NREP: variants seen among roughly 807,000 people sequenced by gnomAD.
NREP encodes neuronal regeneration-related protein.
In NREP, 5 loss-of-function variants were observed where a neutral mutation model predicts 8.6. The ratio of observed to expected loss-of-function variants is 0.58; its 90% CI spans 0.30 to 1.22. The LOEUF (loss-of-function observed/expected upper bound fraction) is 1.22, where lower values mean the gene tolerates loss of function less well. Among genes scored for constraint, NREP ranks in the 50% most tolerant of loss-of-function variants. The pLI, the probability that NREP is intolerant of heterozygous loss-of-function variation, is 0.07. For synonymous variants in NREP, 27 were observed against 28.0 expected (o/e 0.96, Z 0.11); for missense variants, 86 against 82.5 (o/e 1.04, Z -0.17).
At chr5:111,795,410 C>G (rs1751852722) in intron 2 of NREP, among the ~76,000 whole-genome samples, 1 of 152,152 alleles carries the variant, frequency 6.6e-6, no homozygotes, top group African/African-American at 2.4e-5. Flanking sequence ...CAAACTCAAG[C>G]TAGGTAGACA....
intron 2 of NREP, among the ~76,000 whole-genome samples, chr5:111,923,476 G>A (rs986279820): frequency 2.6e-5 from 4 of 152,182 alleles, no homozygotes; most frequent in Admixed American, 2.0e-4. Flanking sequence ...CAAGTTTTTA[G>A]TTGGGCTGCA....
At chr5:111,864,115 A>T (rs557568471) in intron 2 of NREP, among the ~76,000 whole-genome samples, 24 of 152,262 alleles carry the variant, frequency 1.6e-4, no homozygotes, top group African/African-American at 5.8e-4. Flanking sequence ...TGGCATCTCT[A>T]ATCTACCAAA....
intron 2 of NREP, among the ~76,000 whole-genome samples, chr5:111,787,585 T>C (rs971642631): frequency 6.6e-6 from 1 of 151,676 alleles, no homozygotes; most frequent in Admixed American, 6.6e-5. Context: ...AAACAAGTAT[T>C]GGAGAAAGAA....
At chr5:111,747,155 G>T (rs1411975390) in intron 2 of NREP, among the ~76,000 whole-genome samples, 1 of 151,982 alleles carries the variant, frequency 6.6e-6, no homozygotes. Flanking sequence ...CCCTTACTTG[G>T]GTCATGTTTA....
chr5:111,955,751 A>T (rs1756296589), intron 2 of NREP, among the ~76,000 whole-genome samples: 1 of 152,096 alleles, frequency 6.6e-6, no homozygotes, highest in South Asian at 2.1e-4. Context: ...AGAAATATCC[A>T]GGTGCCAGAA....
intron 2 of NREP, among the ~76,000 whole-genome samples, chr5:111,779,620 A>G (rs1751445360): frequency 6.6e-6 from 1 of 152,184 alleles, no homozygotes; most frequent in South Asian, 2.1e-4. Flanking sequence ...CTGTGGAGAA[A>G]CAAGTGGGAA....
chr5:111,881,819 A>C (rs1230546343), intron 2 of NREP, among the ~76,000 whole-genome samples: 1 of 152,152 alleles, frequency 6.6e-6, no homozygotes, highest in Non-Finnish European at 1.5e-5. Flanking sequence ...TCCACACCAA[A>C]AACCCATCTG....
At chr5:111,756,393 T>G in intron 1 of NREP, 12 of 315,896 alleles carry the variant, frequency 3.8e-5, no homozygotes, top group East Asian at 1.7e-4. Flanking sequence ...AACATTAATG[T>G]ACATACTGCT....
At chr5:111,793,160 A>C (rs1751790261) in intron 2 of NREP, among the ~76,000 whole-genome samples, 1 of 152,182 alleles carries the variant, frequency 6.6e-6, no homozygotes, top group Admixed American at 6.6e-5. Context: ...ACATTTTGAC[A>C]ATTGTTAGGT....
chr5:111,975,934 T>A (rs1037073407), intron 1 of NREP, among the ~76,000 whole-genome samples: 1 of 152,210 alleles, frequency 6.6e-6, no homozygotes, highest in Non-Finnish European at 1.5e-5. Context: ...TCCACATTTC[T>A]TCCTCCTGCT....
intron 2 of NREP, among the ~76,000 whole-genome samples, chr5:111,960,528 C>A (rs910687506): frequency 1.3e-5 from 2 of 152,066 alleles, no homozygotes; most frequent in African/African-American, 4.8e-5. Flanking sequence ...GAAAAACAAT[C>A]CAGGGGATAG....
intron 2 of NREP, among the ~76,000 whole-genome samples, chr5:111,762,871 G>A (rs1750993893): frequency 6.6e-6 from 1 of 152,176 alleles, no homozygotes; most frequent in Non-Finnish European, 1.5e-5. Flanking sequence ...TTGTTATGAG[G>A]TTTCGGATAT....
intron 2 of NREP, among the ~76,000 whole-genome samples, chr5:111,938,115 C>G (rs1479306573): frequency 6.6e-6 from 1 of 151,994 alleles, no homozygotes; most frequent in Non-Finnish European, 1.5e-5. Context: ...ACCAGTGACT[C>G]CAGCTTTGGT....
chr5:111,944,822 C>G (rs1755931568), intron 2 of NREP, among the ~76,000 whole-genome samples: 1 of 152,086 alleles, frequency 6.6e-6, no homozygotes, highest in Admixed American at 6.6e-5. Context: ...ACAAATTAAC[C>G]TAACCTACAG....
intron 2 of NREP, among the ~76,000 whole-genome samples, chr5:111,915,853 G>C (rs1039427581): frequency 1.3e-5 from 2 of 152,050 alleles, no homozygotes; most frequent in Non-Finnish European, 2.9e-5. Flanking sequence ...CTGTTCATTG[G>C]TTATAACCAG....
intron 2 of NREP, among the ~76,000 whole-genome samples, chr5:111,926,996 T>G (rs1217788665): frequency 6.6e-6 from 1 of 151,838 alleles, no homozygotes; most frequent in Non-Finnish European, 1.5e-5. Flanking sequence ...TTCCTTAGAT[T>G]TGTATGGCCA....
chr5:111,759,421 C>CTT (rs56847446), upstream of NREP, among the ~76,000 whole-genome samples: 26,424 of 144,784 alleles, frequency 0.18, 2,737 homozygotes, highest in East Asian at 0.51. Flanking sequence ...TTCTTTCTTT[C>CTT]TTTTTTTTTT....
rs7720931 is a variant in NREP at position 111,881,555 on chromosome 5, A to C, written c.135+93719T>G. On this transcript the variant is annotated intron_variant, in intron 2 of 3. Coordinates refer to the NREP transcript ENST00000395634. Reference sequence around the variant, plus strand: ...AGTGGGTCCCTGACCCCTGACCCCCAAGCAGTCTAACTGGGAGGCACCCCC... The same window carrying C: ...AGTGGGTCCCTGACCCCTGACCCCCCAGCAGTCTAACTGGGAGGCACCCCC... Among the ~76,000 whole-genome samples, 6 of 152,004 alleles carry C rather than the reference A, an allele frequency of 3.9e-5. No individual in the cohort carries two copies. The East Asian group carries it at 5.8e-4, about 15-fold the overall frequency.
In NREP at chr5:111,788,010, T is replaced by C. The variant is rs928925340; in HGVS notation, c.136-52503A>G. On this transcript the variant is annotated intron_variant, in intron 2 of 3. Coordinates refer to the NREP transcript ENST00000395634. Reference sequence around the variant, plus strand: ...CTACTTTGGAAGCTGGGAGGATTGTTTGAGCCCAGGAGGGGGAGTCTGCTG... The same window carrying C: ...CTACTTTGGAAGCTGGGAGGATTGTCTGAGCCCAGGAGGGGGAGTCTGCTG... Among the ~76,000 whole-genome samples the C allele has an allele frequency of 2.6e-5, 4 of 152,166 alleles. No individual in the cohort carries two copies. The South Asian group carries it at 8.3e-4, about 32-fold the overall frequency.
Sources: allele counts gnomAD v4.1 joint callset (sites outside exome capture counted in the v4.1 genomes callset), GRCh38; gene constraint gnomAD v4.1.1; transcripts MANE v1.5; gene names NCBI Gene and HGNC (gene_info 2026-07-23, HGNC 2026-07-21).